SPOCK3: variants seen among roughly 807,000 people sequenced by gnomAD.
SPOCK3 encodes the protein SPARC (osteonectin), cwcv and kazal like domains proteoglycan 3, also known as testican-3.
SPOCK3 carries 30 observed loss-of-function variants against 56.6 expected under a neutral mutation model. That is an observed-to-expected ratio of 0.53 (90% CI 0.40 to 0.72). The LOEUF (loss-of-function observed/expected upper bound fraction) is 0.72, where lower values mean the gene tolerates loss of function less well. Ranked by LOEUF, SPOCK3 falls within the 30% of genes least tolerant of loss-of-function variation. The pLI, the probability that SPOCK3 is intolerant of heterozygous loss-of-function variation, is 0.00. For missense variants in SPOCK3, 527 were observed against 530.0 expected (o/e 0.99, Z 0.06); for synonymous variants, 196 against 183.3 (o/e 1.07, Z -0.56).
intron 2 of SPOCK3, among the ~76,000 whole-genome samples, chr4:167,103,763 C>T (rs944609829): frequency 1.3e-5 from 2 of 152,116 alleles, no homozygotes; most frequent in African/African-American, 4.8e-5. Context: ...AGCCAGGTAG[C>T]GGTTACCATG....
At chr4:166,894,976 T>C (rs571149726) in intron 5 of SPOCK3, among the ~76,000 whole-genome samples, 62 of 152,256 alleles carry the variant, frequency 4.1e-4, no homozygotes, top group African/African-American at 1.4e-3. Flanking sequence ...TGGATGATCC[T>C]AAACTTCAAA....
intron 4 of SPOCK3, among the ~76,000 whole-genome samples, chr4:166,955,522 T>C (rs10030018): frequency 4.6e-4 from 48 of 104,730 alleles, no homozygotes; most frequent in African/African-American, 1.5e-3. Flanking sequence ...TAAATTATAT[T>C]ATATTATTAA....
At chr4:167,208,725 TA>T (rs1170913940) in intron 2 of SPOCK3, among the ~76,000 whole-genome samples, 2 of 151,972 alleles carry the variant, frequency 1.3e-5, no homozygotes, top group African/African-American at 4.8e-5. Context: ...GTAGATCTGC[TA>T]AAAATATGAG....
At chr4:167,073,895 C>T (rs1251219913) in intron 2 of SPOCK3, among the ~76,000 whole-genome samples, 1 of 151,816 alleles carries the variant, frequency 6.6e-6, no homozygotes, top group Non-Finnish European at 1.5e-5. Flanking sequence ...TTTATTATCT[C>T]TTTAAAATTA....
intron 3 of SPOCK3, among the ~76,000 whole-genome samples, chr4:167,062,104 T>G (rs1382338029): frequency 6.6e-6 from 1 of 151,776 alleles, no homozygotes; most frequent in Non-Finnish European, 1.5e-5. Flanking sequence ...AAGGAAACCT[T>G]TTATTAATTG....
chr4:167,058,896 G>A (rs558396733), intron 3 of SPOCK3, among the ~76,000 whole-genome samples: 2 of 152,236 alleles, frequency 1.3e-5, no homozygotes, highest in South Asian at 4.1e-4. Flanking sequence ...AACAAGCAAT[G>A]GGGAAAGGAT....
intron 2 of SPOCK3, among the ~76,000 whole-genome samples, chr4:167,158,053 C>T (rs1185155002): frequency 6.6e-6 from 1 of 151,874 alleles, no homozygotes; most frequent in Admixed American, 6.6e-5. Context: ...ATCCTTACAG[C>T]ATTTTACTTA....
chr4:167,153,786 T>A (rs889229364), intron 2 of SPOCK3, among the ~76,000 whole-genome samples: 18 of 152,348 alleles, frequency 1.2e-4, no homozygotes, highest in African/African-American at 4.1e-4. Context: ...AAGGAGTTTT[T>A]AAGTCATCAA....
chr4:167,050,603 A>G (rs1409936408), intron 3 of SPOCK3, among the ~76,000 whole-genome samples: 1 of 152,144 alleles, frequency 6.6e-6, no homozygotes, highest in African/African-American at 2.4e-5. Context: ...ACACACATTC[A>G]TAGAAGCACT....
chr4:167,109,181 T>G (rs1760573027), intron 2 of SPOCK3, among the ~76,000 whole-genome samples: 1 of 80,588 alleles, frequency 1.2e-5, no homozygotes, highest in Non-Finnish European at 2.1e-5. Flanking sequence ...TAAAAATATA[T>G]ATAAATATTA....
chr4:166,886,040 G>A (rs1560972548), intron 6 of SPOCK3, among the ~76,000 whole-genome samples: 1 of 151,908 alleles, frequency 6.6e-6, no homozygotes, highest in Non-Finnish European at 1.5e-5. Flanking sequence ...ATTTTTCAAT[G>A]TTCTTTTTCA....
intron 6 of SPOCK3, among the ~76,000 whole-genome samples, chr4:166,822,134 A>C (rs1267238487): frequency 6.6e-6 from 1 of 152,074 alleles, no homozygotes; most frequent in Non-Finnish European, 1.5e-5. Context: ...TAATCACACT[A>C]ATCATATCAG....
Position 166,900,338 on chromosome 4 carries a change from G to A in SPOCK3, c.475-11094C>T, listed in dbSNP as rs554066626. ...ACCCACAAGAATCTGATATTGTTGG[G>A]CATTGGGATTGGCTCTTAAAAAATA... On this transcript the variant is annotated intron_variant, in intron 5 of 10. Coordinates refer to ENST00000357545, the MANE Select transcript of SPOCK3 (RefSeq NM_001040159.2). 2.5e-4 allele frequency among the ~76,000 whole-genome samples: 38 copies of A among 152,192 alleles called. 1 individual carries two copies. The South Asian group carries it at 6.2e-3, about 25-fold the overall frequency.
At chr4:166,788,463 T>C (rs7669297) in intron 7 of SPOCK3, among the ~76,000 whole-genome samples, 34,838 of 151,940 alleles carry the variant, frequency 0.23, 4,506 homozygotes, top group East Asian at 0.34. Flanking sequence ...ATACTTTTTA[T>C]CTCTTATTTT....
chr4:167,158,011 G>A (rs912944388), intron 2 of SPOCK3, among the ~76,000 whole-genome samples: 2 of 151,942 alleles, frequency 1.3e-5, no homozygotes, highest in South Asian at 2.1e-4. Context: ...ATATGTTTGA[G>A]TGCTATATAG....
chr4:166,821,592 T>G (rs528659749), intron 6 of SPOCK3, among the ~76,000 whole-genome samples: 2 of 152,010 alleles, frequency 1.3e-5, no homozygotes, highest in African/African-American at 4.8e-5. Context: ...AATGAAATAC[T>G]ATGCAGCAAT....
intron 5 of SPOCK3, among the ~76,000 whole-genome samples, chr4:166,893,064 A>G (rs1243104442): frequency 6.6e-6 from 1 of 152,028 alleles, no homozygotes; most frequent in East Asian, 1.9e-4. Context: ...GTTTGTCACA[A>G]CTGGAGGCAG....
intron 2 of SPOCK3, among the ~76,000 whole-genome samples, chr4:167,079,876 G>T (rs1218118446): frequency 1.3e-5 from 2 of 151,994 alleles, no homozygotes; most frequent in Non-Finnish European, 2.9e-5. Context: ...TCTAATGTGG[G>T]TATTAAATTA....
At chr4:167,011,411 G>A in intron 3 of SPOCK3, 1 of 317,078 alleles carries the variant, frequency 3.2e-6, no homozygotes, top group South Asian at 2.7e-5. Context: ...TTGTTTCCAT[G>A]CCCCAGTATT....
Sources: allele counts gnomAD v4.1 joint callset (sites outside exome capture counted in the v4.1 genomes callset), GRCh38; gene constraint gnomAD v4.1.1; transcripts MANE v1.5; gene names NCBI Gene and HGNC (gene_info 2026-07-23, HGNC 2026-07-21).